Variants in PM20D2 observed in about 807,000 individuals in gnomAD.
PM20D2 encodes the protein xaa-Arg dipeptidase.
PM20D2 carries 33 observed loss-of-function variants against 42.9 expected under a neutral mutation model. That is an observed-to-expected ratio of 0.77 (90% CI 0.58 to 1.03). The LOEUF (loss-of-function observed/expected upper bound fraction) is 1.03. Among genes scored for constraint, PM20D2 ranks in the 50% least tolerant of loss-of-function variants. The pLI is 0.00. For missense variants in PM20D2, 548 were observed against 557.0 expected (o/e 0.98, Z 0.16); for synonymous variants, 250 against 228.2 (o/e 1.10, Z -0.86).
the PM20D2 span, among the ~76,000 whole-genome samples, chr6:89,115,647 T>TC: frequency 8.1e-3 from 1,040 of 129,018 alleles, 6 homozygotes; most frequent in Admixed American, 0.017. Context: ...TTTTTTTTTT[T>TC]TTTTTTGAGA....
At chr6:89,157,185 C>G (rs1193020429) in intron 4 of PM20D2, among the ~76,000 whole-genome samples, 7 of 152,274 alleles carry the variant, frequency 4.6e-5, no homozygotes, top group African/African-American at 1.7e-4. Context: ...CGTGCTTTGG[C>G]CTCCCAAAGT....
chr6:89,107,188 A>G, the PM20D2 span: 2 of 1,614,174 alleles, frequency 1.2e-6, no homozygotes, highest in Non-Finnish European at 8.5e-7. Context: ...CGGCGAGTGT[A>G]GAAGTCAAGT....
chr6:89,107,125 T>C, the PM20D2 span: 1 of 1,574,766 alleles, frequency 6.4e-7, no homozygotes, highest in East Asian at 2.2e-5. Context: ...TACAGTATAT[T>C]CACATGCACA....
the PM20D2 span, chr6:89,105,563 G>A: frequency 7.0e-7 from 1 of 1,424,380 alleles, no homozygotes; most frequent in Non-Finnish European, 9.5e-7. Context: ...TTGAACATGA[G>A]ATATCAAGTA....
chr6:89,150,542 T>TC (rs1282464035), intron 2 of PM20D2, among the ~76,000 whole-genome samples: 1 of 136,456 alleles, frequency 7.3e-6, no homozygotes, highest in East Asian at 2.1e-4. Context: ...TTTTTTTTTT[T>TC]TTTTTTTTTT....
the PM20D2 span, among the ~76,000 whole-genome samples, chr6:89,137,202 C>CA: frequency 6.9e-6 from 1 of 144,798 alleles, no homozygotes; most frequent in Non-Finnish European, 1.5e-5. Flanking sequence ...ATAGAAAGTC[C>CA]AAAATGGGAC....
At chr6:89,110,043 A>G in the PM20D2 span, among the ~76,000 whole-genome samples, 5 of 152,110 alleles carry the variant, frequency 3.3e-5, no homozygotes, top group Non-Finnish European at 7.4e-5. Context: ...GTGAGCCAAG[A>G]TCATGCCACT....
At chr6:89,093,968 G>A in the PM20D2 span, among the ~76,000 whole-genome samples, 2 of 127,142 alleles carry the variant, frequency 1.6e-5, no homozygotes, top group African/African-American at 2.9e-5. Flanking sequence ...TTGCCTAAGC[G>A]GGAGTGCAGT....
the PM20D2 span, among the ~76,000 whole-genome samples, chr6:89,104,384 G>A: frequency 3.3e-5 from 5 of 151,794 alleles, no homozygotes; most frequent in South Asian, 2.1e-4. Context: ...TTACAGGTGC[G>A]TGGCTACCAC....
chr6:89,151,626 G>A (rs1357239135), intron 2 of PM20D2, among the ~76,000 whole-genome samples: 2 of 152,114 alleles, frequency 1.3e-5, no homozygotes, highest in African/African-American at 4.8e-5. Context: ...AGTGTTTTTG[G>A]TGTACTTATG....
At chr6:89,142,162 ATG>A (rs2127767911), upstream of PM20D2, among the ~76,000 whole-genome samples, 1 of 152,124 alleles carries the variant, frequency 6.6e-6, no homozygotes, top group African/African-American at 2.4e-5. Context: ...CACTTCCTCT[ATG>A]TCCCTTCATC....
the PM20D2 span, among the ~76,000 whole-genome samples, chr6:89,101,101 C>A: frequency 1.4e-5 from 2 of 143,852 alleles, no homozygotes. Context: ...AAGAGAAAAC[C>A]TCCAAGACAA....
chr6:89,121,490 A>C, the PM20D2 span, among the ~76,000 whole-genome samples: 1 of 152,138 alleles, frequency 6.6e-6, no homozygotes, highest in Non-Finnish European at 1.5e-5. Context: ...ATACTTGAAG[A>C]GGTAGGGGAA....
the PM20D2 span, among the ~76,000 whole-genome samples, chr6:89,121,361 G>A: frequency 1.3e-5 from 2 of 152,008 alleles, no homozygotes; most frequent in Non-Finnish European, 1.5e-5. Context: ...GAACATCGTC[G>A]GGCACGGCCA....
chr6:89,163,523 A>T lies in PM20D2; in HGVS notation c.*1260A>T, dbSNP rs1165619828. ...TTAATGGGCAGGTTCTTGCTCTCCCAGGCTGGAGTGCAGTGGTGTAATCAC... is the reference window on the plus strand; with the variant it reads ...TTAATGGGCAGGTTCTTGCTCTCCCTGGCTGGAGTGCAGTGGTGTAATCAC... On this transcript the variant is annotated 3_prime_UTR_variant, in exon 7 of 7. Transcript: ENST00000275072. 1 of 151,990 alleles carries T rather than the reference A, an allele frequency of 6.6e-6. No individual in the cohort carries two copies. The highest frequency in any genetic ancestry group is 6.6e-5 in the Admixed American group (1 of 15,250). 9.4% of individuals were successfully genotyped at this position (151,990 alleles called of 1,614,324 possible).
intron 5 of PM20D2, among the ~76,000 whole-genome samples, chr6:89,161,320 C>T (rs751228493): frequency 2.6e-5 from 4 of 152,106 alleles, no homozygotes; most frequent in Admixed American, 1.3e-4. Context: ...GCAATACATA[C>T]GGACAAAATC....
the PM20D2 span, among the ~76,000 whole-genome samples, chr6:89,119,628 A>T: frequency 1.3e-5 from 2 of 152,232 alleles, no homozygotes; most frequent in Admixed American, 1.3e-4. Context: ...ATTCTCTTGT[A>T]GTTCAGAGGC....
At chr6:89,147,248 A>G (rs902200980) in intron 1 of PM20D2, among the ~76,000 whole-genome samples, 7 of 152,180 alleles carry the variant, frequency 4.6e-5, no homozygotes, top group African/African-American at 1.4e-4. Flanking sequence ...AAACAGGGAA[A>G]TGTCGTTTAT....
At chr6:89,123,339 T>A in the PM20D2 span, among the ~76,000 whole-genome samples, 1 of 151,976 alleles carries the variant, frequency 6.6e-6, no homozygotes, top group Non-Finnish European at 1.5e-5. Context: ...AATGATGTAC[T>A]TCTTTACCAT....
Sources: allele counts gnomAD v4.1 joint callset (sites outside exome capture counted in the v4.1 genomes callset), GRCh38; gene constraint gnomAD v4.1.1; transcripts MANE v1.5; gene names NCBI Gene and HGNC (gene_info 2026-07-23, HGNC 2026-07-21).